FER1L6: variants seen among roughly 807,000 people sequenced by gnomAD.
FER1L6 encodes fer-1 like family member 6.
Under a neutral mutation model 219.2 loss-of-function variants are expected in FER1L6, and 177 were observed. The ratio of observed to expected loss-of-function variants is 0.81; its 90% CI spans 0.71 to 0.91. The LOEUF is 0.91. FER1L6 is among the 40% of genes least tolerant of loss of function. The pLI, the probability that FER1L6 is intolerant of heterozygous loss-of-function variation, is 0.00. For missense variants in FER1L6, 2,153 were observed against 2,259.9 expected, an observed-to-expected ratio of 0.95 and a Z score of 0.96; for synonymous variants, 768 against 824.3, an observed-to-expected ratio of 0.93 and a Z score of 1.17.
chr8:123,947,157 G>T (rs59878612), intron 1 of FER1L6, among the ~76,000 whole-genome samples: 87 of 151,806 alleles, frequency 5.7e-4, no homozygotes, highest in African/African-American at 2.0e-3. Context: ...GTGGTGGCAC[G>T]TGCCTGTAGT....
At chr8:123,906,074 C>CA (rs1812947556) in intron 1 of FER1L6, among the ~76,000 whole-genome samples, 1 of 152,196 alleles carries the variant, frequency 6.6e-6, no homozygotes, top group Non-Finnish European at 1.5e-5. Flanking sequence ...ACCACCTCTC[C>CA]CATCAGTCCT....
chr8:124,057,672 C>T (rs1051957111), intron 22 of FER1L6, among the ~76,000 whole-genome samples: 4 of 152,060 alleles, frequency 2.6e-5, no homozygotes, highest in African/African-American at 9.7e-5. Context: ...TAATCAGATA[C>T]TCTGTGCCTC....
chr8:124,039,093 A>T (rs1819346746), intron 19 of FER1L6, among the ~76,000 whole-genome samples: 1 of 152,094 alleles, frequency 6.6e-6, no homozygotes, highest in Non-Finnish European at 1.5e-5. Flanking sequence ...ATCCCAGCAC[A>T]GTGTGCTCAC....
chr8:123,936,462 G>GTTTT (rs779012175), intron 1 of FER1L6, among the ~76,000 whole-genome samples: 1,349 of 97,840 alleles, frequency 0.014, 121 homozygotes, highest in Non-Finnish European at 0.015. Flanking sequence ...ATTGCAGCCT[G>GTTTT]TTTTTTTTTT....
intron 1 of FER1L6, among the ~76,000 whole-genome samples, chr8:123,859,007 A>ATT (rs34978649): frequency 6.7e-6 from 1 of 150,352 alleles, no homozygotes; most frequent in Non-Finnish European, 1.5e-5. Flanking sequence ...TCATTTATTC[A>ATT]TTTTTTTTTT....
At chr8:124,096,724 T>A (rs551604830) in intron 35 of FER1L6, among the ~76,000 whole-genome samples, 1 of 152,276 alleles carries the variant, frequency 6.6e-6, no homozygotes, top group East Asian at 1.9e-4. Flanking sequence ...GAATCCTGGC[T>A]GGGGTGAACA....
At chr8:124,054,973 A>G (rs977094589) in intron 22 of FER1L6, among the ~76,000 whole-genome samples, 1 of 152,180 alleles carries the variant, frequency 6.6e-6, no homozygotes, top group African/African-American at 2.4e-5. Context: ...AGTTACTCAG[A>G]TTGGAGATAA....
intron 1 of FER1L6, among the ~76,000 whole-genome samples, chr8:123,921,880 C>T (rs1000418822): frequency 1.3e-5 from 2 of 152,096 alleles, no homozygotes; most frequent in African/African-American, 4.8e-5. Context: ...GTTTGTCAAG[C>T]CGCTTGTAAC....
In FER1L6 at chr8:124,119,618, C is replaced by A. The variant is rs202114008; in HGVS notation, c.5402C>A (p.Thr1801Asn). The A allele has an allele frequency of 6.8e-6, 11 of 1,612,384 alleles. No individual in the cohort carries two copies. The East Asian group carries it at 2.2e-4, about 33-fold the overall frequency. The change falls in exon 41 of 41, where the codon ACC becomes AAC. Residue 1801 changes from threonine (T) to asparagine (N), a missense_variant. Thr to Asn is a moderately conservative substitution (Grantham distance 65). Coordinates refer to ENST00000522917, the MANE Select transcript of FER1L6 (RefSeq NM_001039112.2). The part of the protein sequence containing the change: ...EPLAKPNRPD[T>N]SFSWFMSPFK... ...TCCTTCCCCCTCAGCCGCCCAGACA[C>A]CTCCTTTTCGTGGTTCATGAGCCCC...
intron 1 of FER1L6, among the ~76,000 whole-genome samples, chr8:123,879,405 CAAG>C (rs1383956171): frequency 5.3e-5 from 8 of 152,138 alleles, no homozygotes; most frequent in Non-Finnish European, 1.2e-4. Context: ...CGGCTCACTG[CAAG>C]CTCTGCCTCC....
At chr8:124,062,222 G>A (rs1333509823) in intron 25 of FER1L6, among the ~76,000 whole-genome samples, 190 bp downstream of exon 25, 1 of 152,140 alleles carries the variant, frequency 6.6e-6, no homozygotes, top group Non-Finnish European at 1.5e-5. Context: ...CTCACATTGG[G>A]TCAGTAACTC....
intron 22 of FER1L6, among the ~76,000 whole-genome samples, chr8:124,054,280 T>C (rs1417995080): frequency 6.6e-6 from 1 of 152,190 alleles, no homozygotes; most frequent in Admixed American, 6.5e-5. Flanking sequence ...ACCAGGAACA[T>C]TCTCAAAGTC....
intron 38 of FER1L6, among the ~76,000 whole-genome samples, 175 bp from the exon 39 acceptor site, chr8:124,102,971 C>T (rs539874502): frequency 2.0e-5 from 3 of 152,192 alleles, no homozygotes; most frequent in African/African-American, 7.2e-5. Flanking sequence ...TGGCACCAAA[C>T]GTGGCTCAGT....
chr8:123,866,644 C>T (rs1816842566), intron 1 of FER1L6, among the ~76,000 whole-genome samples: 1 of 152,170 alleles, frequency 6.6e-6, no homozygotes. Flanking sequence ...CACATCCTTG[C>T]CAACACTGGT....
intron 26 of FER1L6, 73 bp from the exon 27 acceptor site, chr8:124,066,355 C>T (rs1010007036): frequency 6.4e-7 from 1 of 1,551,260 alleles, no homozygotes; most frequent in African/African-American, 1.4e-5. Context: ...TTTTCTTCCT[C>T]ACAAGCCAGT....
intron 18 of FER1L6, among the ~76,000 whole-genome samples, chr8:124,031,728 G>A (rs1818974379): frequency 6.6e-6 from 1 of 152,168 alleles, no homozygotes; most frequent in Non-Finnish European, 1.5e-5. Context: ...GGAGGTCAGA[G>A]AAACACTTTT....
intron 13 of FER1L6, chr8:124,004,377 T>C (rs1444224773): frequency 1.3e-5 from 2 of 152,182 alleles, no homozygotes; most frequent in African/African-American, 4.8e-5. Flanking sequence ...TAATAGAATA[T>C]TTCTTCCCCC....
intron 19 of FER1L6, among the ~76,000 whole-genome samples, 185 bp downstream of exon 19, chr8:124,035,639 T>TA (rs1415176894): frequency 3.3e-5 from 5 of 152,200 alleles, no homozygotes; most frequent in Admixed American, 3.3e-4. Flanking sequence ...CTAAAAAGAG[T>TA]AAAATCATTA....
intron 19 of FER1L6, among the ~76,000 whole-genome samples, chr8:124,038,479 C>T: frequency 6.6e-6 from 1 of 152,162 alleles, no homozygotes; most frequent in East Asian, 1.9e-4. Flanking sequence ...TTCCTTTGCA[C>T]TACCCCAGTG....
Sources: allele counts gnomAD v4.1 joint callset (sites outside exome capture counted in the v4.1 genomes callset), GRCh38; gene constraint gnomAD v4.1.1; transcripts MANE v1.5; gene names NCBI Gene and HGNC (gene_info 2026-07-23, HGNC 2026-07-21).